The following HECW2 variants were observed in gnomAD, a reference collection of about 807,000 sequenced individuals.
HECW2 encodes HECT, C2 and WW domain containing E3 ubiquitin protein ligase 2.
A neutral mutation model predicts 175.2 loss-of-function variants in HECW2; 61 were observed. The observed-to-expected ratio is 0.35, with a 90% confidence interval of 0.28 to 0.43. HECW2 has a LOEUF of 0.43. Ranked by LOEUF, HECW2 falls within the 20% of genes least tolerant of loss-of-function variation. The pLI, the probability that HECW2 is intolerant of heterozygous loss-of-function variation, is 1.00. For synonymous variants in HECW2, 671 were observed against 731.0 expected, an observed-to-expected ratio of 0.92 and a Z score of 1.32; for missense variants, 1,524 against 2,000.5, an observed-to-expected ratio of 0.76 and a Z score of 4.54.
At chr2:196,361,081 T>A (rs1057301369) in intron 2 of HECW2, among the ~76,000 whole-genome samples, 2 of 152,254 alleles carry the variant, frequency 1.3e-5, no homozygotes, top group East Asian at 1.9e-4. Context: ...AAGTAAAAAA[T>A]TTCACTGTAT....
chr2:196,454,301 A>G (rs1219123208), intron 1 of HECW2, among the ~76,000 whole-genome samples: 1 of 152,224 alleles, frequency 6.6e-6, no homozygotes, highest in Non-Finnish European at 1.5e-5. Flanking sequence ...ACTATAGAGC[A>G]AAACTATTTT....
chr2:196,389,085 G>A (rs1010118066), intron 2 of HECW2, among the ~76,000 whole-genome samples: 2 of 152,158 alleles, frequency 1.3e-5, no homozygotes, highest in Non-Finnish European at 2.9e-5. Flanking sequence ...ACTGAAGTGC[G>A]ATCTGTTGTG....
chr2:196,527,022 G>A (rs1247346833), intron 1 of HECW2, among the ~76,000 whole-genome samples: 10 of 150,242 alleles, frequency 6.7e-5, no homozygotes, highest in African/African-American at 1.5e-4. Flanking sequence ...GGAGCTTCCC[G>A]GCTGCTTTGT....
chr2:196,475,753 T>C (rs1686578273), intron 1 of HECW2, among the ~76,000 whole-genome samples: 1 of 152,226 alleles, frequency 6.6e-6, no homozygotes, highest in Admixed American at 6.5e-5. Context: ...ATCTGCCCAT[T>C]TGTGAACCAA....
chr2:196,495,224 C>T (rs1245485848), intron 1 of HECW2, among the ~76,000 whole-genome samples: 1 of 152,072 alleles, frequency 6.6e-6, no homozygotes, highest in African/African-American at 2.4e-5. Flanking sequence ...TACGCCACCA[C>T]GCCCAGCTAA....
intron 1 of HECW2, among the ~76,000 whole-genome samples, chr2:196,544,945 G>C (rs1163272555): frequency 1.3e-5 from 2 of 152,192 alleles, no homozygotes; most frequent in Non-Finnish European, 2.9e-5. Flanking sequence ...AACCCCATGA[G>C]TTGCCACATT....
intron 2 of HECW2, among the ~76,000 whole-genome samples, chr2:196,345,584 A>G (rs1692926980): frequency 6.6e-6 from 1 of 152,242 alleles, no homozygotes; most frequent in Non-Finnish European, 1.5e-5. Flanking sequence ...AGACGCAATC[A>G]GGATGATCCA....
intron 2 of HECW2, among the ~76,000 whole-genome samples, chr2:196,394,991 G>T (rs931333617): frequency 1.3e-5 from 2 of 152,128 alleles, no homozygotes; most frequent in African/African-American, 4.8e-5. Context: ...CCTTTTATGT[G>T]TGCCCACTTG....
chr2:196,328,736 A>G (rs889223882), intron 5 of HECW2, among the ~76,000 whole-genome samples: 5 of 152,216 alleles, frequency 3.3e-5, no homozygotes, highest in African/African-American at 1.2e-4. Context: ...TTTATTTTCT[A>G]TGTATTGTAG....
intron 28 of HECW2, among the ~76,000 whole-genome samples, chr2:196,213,912 G>C (rs1009871258): frequency 2.6e-5 from 4 of 152,174 alleles, no homozygotes; most frequent in African/African-American, 4.8e-5. Context: ...GCTCAAAGAT[G>C]AAGTGTTCTC....
intron 1 of HECW2, among the ~76,000 whole-genome samples, chr2:196,565,228 A>G (rs1690142309): frequency 6.6e-6 from 1 of 152,144 alleles, no homozygotes; most frequent in Non-Finnish European, 1.5e-5. Context: ...GAGATCAAGG[A>G]AAAAAATTAC....
rs1309245587 is a variant in HECW2 at position 196,212,654 on chromosome 2, G to A, written c.4607+3211C>T. Among the ~76,000 whole-genome samples, 3 of 152,150 alleles carry A rather than the reference G, an allele frequency of 2.0e-5. No individual in the cohort carries two copies. In the South Asian group the frequency reaches 6.2e-4, roughly 32 times the overall value. On this transcript the variant is annotated intron_variant, in intron 28 of 28. Transcript: ENST00000644978. ...CTATTGTGAACAGAGCTGCAATGAA[G>A]ATACACATGCATGTGTCTTATAACT... is the stretch of plus-strand genomic sequence containing the variant.
chr2:196,322,603 T>C lies in HECW2; in HGVS notation c.759A>G (p.Ala253=), dbSNP rs1691990705. 1.2e-6 allele frequency: 2 copies of C among 1,611,530 alleles called. No individual in the cohort carries two copies. Among genetic ancestry groups the C allele is most frequent in the African/African-American group, 1.3e-5 (1 of 74,736 alleles). The change falls in exon 7 of 29, where the codon GCA becomes GCG. Residue 253 remains alanine (A), a synonymous_variant. Transcript: ENST00000644978. ...CAATTTCTAAGACATCAGTAAGAAG[T>C]GCAAAAAAGGAATATTTCTGAAAAC... ...IWHREKYSFF[A]LLTDVLEIEI... is the part of the protein sequence containing the mutation.
chr2:196,311,313 G>A (rs1691488175), intron 10 of HECW2, among the ~76,000 whole-genome samples: 1 of 152,254 alleles, frequency 6.6e-6, no homozygotes, highest in South Asian at 2.1e-4. Context: ...TTCAGAATCA[G>A]ACTATCTGAA....
At chr2:196,539,348 G>A (rs971988366) in intron 1 of HECW2, among the ~76,000 whole-genome samples, 8 of 152,144 alleles carry the variant, frequency 5.3e-5, no homozygotes, top group African/African-American at 9.7e-5. Context: ...ATACTTTTAC[G>A]TAGGCCGGAC....
At chr2:196,373,391 G>A (rs1477672830) in intron 2 of HECW2, among the ~76,000 whole-genome samples, 2 of 152,118 alleles carry the variant, frequency 1.3e-5, no homozygotes, top group Non-Finnish European at 2.9e-5. Flanking sequence ...AGCACACTTT[G>A]GGAAAGGTTA....
At chr2:196,321,456 G>T (rs1691939443) in intron 7 of HECW2, among the ~76,000 whole-genome samples, 1 of 148,322 alleles carries the variant, frequency 6.7e-6, no homozygotes, top group African/African-American at 2.5e-5. Context: ...GAGTGTAGTG[G>T]TGCAATGTTG....
At chr2:196,429,269 G>A (rs1695637901) in intron 2 of HECW2, among the ~76,000 whole-genome samples, 2 of 152,096 alleles carry the variant, frequency 1.3e-5, no homozygotes, top group South Asian at 4.1e-4. Flanking sequence ...CTGAGATTAA[G>A]GACTTACTGC....
intron 1 of HECW2, among the ~76,000 whole-genome samples, chr2:196,435,335 A>C (rs1348963240): frequency 2.6e-5 from 4 of 152,236 alleles, no homozygotes; most frequent in Non-Finnish European, 5.9e-5. Flanking sequence ...CTAATCTGAT[A>C]GTTTCAAGAA....
Sources: allele counts gnomAD v4.1 joint callset (sites outside exome capture counted in the v4.1 genomes callset), GRCh38; gene constraint gnomAD v4.1.1; transcripts MANE v1.5; gene names NCBI Gene and HGNC (gene_info 2026-07-23, HGNC 2026-07-21).